Variants in NSD1 observed in about 807,000 individuals in gnomAD.
NSD1 encodes the protein histone-lysine N-methyltransferase, H3 lysine-36 specific.
Under a neutral mutation model 242.7 loss-of-function variants are expected in NSD1, and 26 were observed. That is an observed-to-expected ratio of 0.11 (90% CI 0.08 to 0.15). NSD1 has a LOEUF of 0.15. Among genes scored for constraint, NSD1 ranks in the 10% least tolerant of loss-of-function variants. NSD1 has a pLI of 1.00. For synonymous variants in NSD1, 1,106 were observed against 1,178.1 expected (o/e 0.94, Z 1.25); for missense variants, 2,495 against 3,272.8 (o/e 0.76, Z 5.80).
chr5:177,292,276 G>A, intron 22 of NSD1, 118 bp downstream of exon 22: 1 of 966,326 alleles, frequency 1.0e-6, no homozygotes, highest in Non-Finnish European at 1.6e-6. Context: ...ATAATTTTGA[G>A]GGGTATGGTC....
chr5:177,216,719 A>G (rs2149857062), intron 5 of NSD1, among the ~76,000 whole-genome samples: 1 of 149,696 alleles, frequency 6.7e-6, no homozygotes, highest in East Asian at 2.0e-4. Context: ...ACGGGGTCCA[A>G]CCATGTTGCC....
rs747697988 is a variant in NSD1, at chr5:177,210,811, A to G, written c.2412A>G (p.Pro804=). ...HKENPVMAEP[P]VINEECSLKC... Reference sequence around the variant, plus strand: ...AAAATCCAGTTATGGCAGAACCCCCAGTTATAAATGAGGAGTGCAGTTTGA... The same window carrying G: ...AAAATCCAGTTATGGCAGAACCCCCGGTTATAAATGAGGAGTGCAGTTTGA... Residue 804 remains proline, a synonymous_variant, in exon 5 of 23, where the codon CCA becomes CCG. Transcript: ENST00000439151. 2 of 1,614,206 alleles carry G rather than the reference A, an allele frequency of 1.2e-6. No homozygotes were observed. The highest frequency in any genetic ancestry group is 1.7e-5 in the Admixed American group (1 of 60,022).
In NSD1 at chr5:177,296,438, C is replaced by T; in HGVS notation, c.*979C>T. On this transcript the variant is annotated 3_prime_UTR_variant, in exon 23 of 23. Coordinates refer to ENST00000439151, the MANE Select transcript of NSD1 (RefSeq NM_022455.5). ...ACTCAGGTGCTTTCAGATTTCAGAG[C>T]CTCGGGCAGTGGACATAGGGAATCT... is the stretch of plus-strand genomic sequence containing the variant. 1 of 233,306 alleles carries T rather than the reference C, an allele frequency of 4.3e-6. No homozygotes were observed. Among genetic ancestry groups the T allele is most frequent in the East Asian group, 6.0e-5 (1 of 16,594 alleles). The allele number at this position is 233,306 out of a possible 1,614,324, so 14.5% of individuals were successfully genotyped here.
At chr5:177,235,618 C>T (rs537825124) in intron 5 of NSD1, among the ~76,000 whole-genome samples, 1 of 152,196 alleles carries the variant, frequency 6.6e-6, no homozygotes, top group Non-Finnish European at 1.5e-5. Context: ...TATAAGGTAA[C>T]ACAAGTCCTT....
chr5:177,267,872 C>T (rs1297412128), intron 15 of NSD1, among the ~76,000 whole-genome samples, 154 bp downstream of exon 15: 1 of 151,596 alleles, frequency 6.6e-6, no homozygotes, highest in Non-Finnish European at 1.5e-5. Context: ...GGAAGAGAAA[C>T]CTAACTTTAT....
intron 9 of NSD1, among the ~76,000 whole-genome samples, chr5:177,245,974 A>AT (rs1182821897): frequency 0.023 from 168 of 7,164 alleles, no homozygotes; most frequent in Non-Finnish European, 0.079. Flanking sequence ...TTTTTTATTT[A>AT]TTTTTTTTTT....
chr5:177,280,797 G>A lies in NSD1; in HGVS notation c.5855G>A (p.Arg1952Gln), dbSNP rs2127257571. The A allele has an allele frequency of 1.9e-6, 3 of 1,614,214 alleles. No homozygotes were observed. Among genetic ancestry groups the A allele is most frequent in the Non-Finnish European group, 8.5e-7 (1 of 1,180,042 alleles). The stretch of plus-strand genomic sequence containing the variant: ...GTTGAAATTTTCCGCACATTACAGC[G>A]GGGTTGGGGTCTACGGACAAAAACA... ...PEVEIFRTLQ[R>Q]GWGLRTKTDI... is the part of the protein sequence containing the mutation. The change falls in exon 18 of 23, where the codon CGG becomes CAG. Residue 1952 changes from arginine (R) to glutamine (Q), a missense_variant. Arg to Gln is a conservative substitution (Grantham distance 43). Coordinates refer to ENST00000439151, the MANE Select transcript of NSD1 (RefSeq NM_022455.5).
At chr5:177,266,150 G>C (rs191159790) in intron 14 of NSD1, 3 of 1,092,250 alleles carry the variant, frequency 2.7e-6, no homozygotes, top group Admixed American at 3.4e-5. Flanking sequence ...CCACTTGTCC[G>C]GGCATAGAGC....
At position 177,209,120 on chromosome 5, in the gene NSD1, A is replaced by G. The variant is rs531413450; in HGVS notation, c.1237-516A>G. Reference sequence around the variant, plus strand: ...CTTACTCTAATGACATAATCTTATTAGCAGAAGTATTTTTGAGGAAGCTCC... The same window carrying G: ...CTTACTCTAATGACATAATCTTATTGGCAGAAGTATTTTTGAGGAAGCTCC... On this transcript the variant is annotated intron_variant, in intron 4 of 22. Coordinates refer to ENST00000439151, the MANE Select transcript of NSD1 (RefSeq NM_022455.5). Among the ~76,000 whole-genome samples the G allele has an allele frequency of 2.0e-5, 3 of 152,274 alleles. No individual in the cohort carries two copies. The East Asian group carries it at 5.8e-4, about 29-fold the overall frequency.
chr5:177,253,281 A>T (rs1362209927), intron 12 of NSD1, among the ~76,000 whole-genome samples: 1 of 152,202 alleles, frequency 6.6e-6, no homozygotes, highest in Non-Finnish European at 1.5e-5. Context: ...GAGAAAAATC[A>T]TTTTGAGTGT....
chr5:177,235,228 A>G (rs1581400036), intron 5 of NSD1, among the ~76,000 whole-genome samples: 1 of 152,236 alleles, frequency 6.6e-6, no homozygotes, highest in East Asian at 1.9e-4. Context: ...GGTTCACTGT[A>G]CACAAACTTT....
chr5:177,267,163 G>A (rs1378593802), intron 14 of NSD1, among the ~76,000 whole-genome samples: 1 of 152,154 alleles, frequency 6.6e-6, no homozygotes, highest in African/African-American at 2.4e-5. Flanking sequence ...CAGCCGAAAA[G>A]TTAGTAGTTC....
rs754281393 is a variant in NSD1 at position 177,295,507 on chromosome 5, T to A, written c.*48T>A. ...AAACAAGCTGCCCCCAGGGTACCAT[T>A]TGGGGAGGGGAAATCTTTTCTTTCT... On this transcript the variant is annotated 3_prime_UTR_variant, in exon 23 of 23. Coordinates refer to ENST00000439151, the MANE Select transcript of NSD1 (RefSeq NM_022455.5). The surrounding 1 kb of genome is among the most constrained non-coding windows in gnomAD (Gnocchi z 4.3). 111 of 1,579,496 alleles carry A rather than the reference T, an allele frequency of 7.0e-5. No homozygotes were observed. Among genetic ancestry groups the A allele is most frequent in the Non-Finnish European group, 9.4e-5 (109 of 1,153,534 alleles).
intron 2 of NSD1, among the ~76,000 whole-genome samples, chr5:177,149,225 T>G (rs1757500405): frequency 7.5e-6 from 1 of 132,910 alleles, no homozygotes; most frequent in African/African-American, 3.0e-5. Flanking sequence ...TTATGTTTTG[T>G]TTTTTTTTTT....
rs1018014760 is a variant in NSD1 at position 177,298,840 on chromosome 5, G to A, written c.*3381G>A. ...ATGAGGACAGCATGAAACTTGGATA[G>A]GTTTTACCCTTAGTCCCTATAAGGT... is the stretch of plus-strand genomic sequence containing the variant. On this transcript the variant is annotated 3_prime_UTR_variant, in exon 23 of 23. Coordinates refer to ENST00000439151, the MANE Select transcript of NSD1 (RefSeq NM_022455.5). The A allele has an allele frequency of 1.3e-5, 3 of 233,134 alleles. No homozygotes were observed. The highest frequency in any genetic ancestry group is 6.6e-5 in the African/African-American group (3 of 45,448). The allele number at this position is 233,134 out of a possible 1,614,324, so 14.4% of individuals were successfully genotyped here.
chr5:177,237,627 T>A lies in NSD1; in HGVS notation c.3922-610T>A, dbSNP rs111657505. ...AGCTCACTGCAAGCTCTGCCTCTCC[T>A]GTTCACACCATTCTCCTGCCTCAGC... On this transcript the variant is annotated intron_variant, in intron 6 of 22. Coordinates refer to ENST00000439151, the MANE Select transcript of NSD1 (RefSeq NM_022455.5). 2.5e-3 allele frequency among the ~76,000 whole-genome samples: 368 copies of A among 149,584 alleles called. 1 individual carries two copies. Among genetic ancestry groups the A allele is most frequent in the African/African-American group, 8.7e-3 (352 of 40,504 alleles).
At chr5:177,175,667 A>G (rs1370941603) in intron 2 of NSD1, among the ~76,000 whole-genome samples, 1 of 152,132 alleles carries the variant, frequency 6.6e-6, no homozygotes, top group Non-Finnish European at 1.5e-5. Flanking sequence ...TTCAGAGGTT[A>G]TTCTTGGAAA....
chr5:177,284,277 A>G (rs1759124162), intron 20 of NSD1, among the ~76,000 whole-genome samples: 1 of 152,054 alleles, frequency 6.6e-6, no homozygotes, highest in Non-Finnish European at 1.5e-5. Context: ...TCATTCATTC[A>G]TTGATTCATT....
At chr5:177,187,712 T>G (rs1045225137) in intron 2 of NSD1, among the ~76,000 whole-genome samples, 1 of 152,230 alleles carries the variant, frequency 6.6e-6, no homozygotes, top group African/African-American at 2.4e-5. Context: ...GTCTGTGTTT[T>G]CACGTTGTCT....
Sources: gnomAD v4.1 joint callset for allele counts (sites outside exome capture counted in the v4.1 genomes callset) on GRCh38, gnomAD v4.1.1 for gene constraint, Gnocchi (gnomAD v3.1) non-coding constraint, MANE v1.5 for transcripts, NCBI Gene and HGNC (gene_info 2026-07-23, HGNC 2026-07-21) for gene names.